The following OR51E2 variants were observed in gnomAD, a reference collection of about 807,000 sequenced individuals.
The protein encoded by OR51E2 is olfactory receptor 51E2.
Under a neutral mutation model 13.7 loss-of-function variants are expected in OR51E2, and 14 were observed. The ratio of observed to expected loss-of-function variants is 1.02; its 90% CI spans 0.68 to 1.60. The LOEUF (loss-of-function observed/expected upper bound fraction) is 1.60, where lower values mean the gene tolerates loss of function less well. OR51E2 is among the 40% of genes most tolerant of loss of function. The pLI is 0.00. For synonymous variants in OR51E2, 180 were observed against 157.6 expected, an observed-to-expected ratio of 1.14 and a Z score of -1.07; for missense variants, 483 against 413.8, an observed-to-expected ratio of 1.17 and a Z score of -1.45.
At chr11:4,688,306 G>T (rs1028787694) in intron 1 of OR51E2, among the ~76,000 whole-genome samples, 3 of 152,250 alleles carry the variant, frequency 2.0e-5, no homozygotes, top group East Asian at 3.9e-4. Flanking sequence ...CACTTGAGCA[G>T]AGATCTGTCT....
rs991419035 is a variant in OR51E2, at chr11:4,690,919, T to C, written c.-51+6734A>G. 2 of 456,024 alleles carry C rather than the reference T, an allele frequency of 4.4e-6. 1 individual carries two copies. Among genetic ancestry groups the C allele is most frequent in the Non-Finnish European group, 8.8e-6 (2 of 226,708 alleles). The allele number at this position is 456,024 out of a possible 1,614,324, so 28.2% of individuals were successfully genotyped here. ...GCTTGTTTCCCAAATCTGTGAACAA[T>C]GGACAGACTGATCAATGGAATGTAA... On this transcript the variant is annotated intron_variant, in intron 1 of 1. Transcript: ENST00000396950.
At chr11:4,685,888 C>G (rs1221335327) in intron 1 of OR51E2, 2 of 152,196 alleles carry the variant, frequency 1.3e-5, no homozygotes, top group African/African-American at 4.8e-5. Context: ...TACCTTCATA[C>G]TTTATTAATA....
chr11:4,692,507 T>G (rs570477945), intron 1 of OR51E2, among the ~76,000 whole-genome samples: 5 of 152,270 alleles, frequency 3.3e-5, no homozygotes, highest in Non-Finnish European at 7.3e-5. Context: ...GATACCTAAT[T>G]GAATGTTACT....
Position 4,682,490 on chromosome 11 carries a change from T to A in OR51E2, c.222A>T (p.Thr74=). 1 of 1,614,146 alleles carries A rather than the reference T, an allele frequency of 6.2e-7. No individual in the cohort carries two copies. The highest frequency in any genetic ancestry group is 8.5e-7 in the Non-Finnish European group (1 of 1,180,018). ...MLAAIDLALS[T]STMPKILALF... The stretch of plus-strand genomic sequence containing the variant: ...GGGCAAGGATCTTAGGCATGGTGGA[T>A]GTGGATAAGGCCAGGTCAATGGCTG... The change falls in exon 2 of 2, where the codon ACA becomes ACT. Residue 74 remains threonine, a synonymous_variant. Coordinates refer to ENST00000396950, the MANE Select transcript of OR51E2 (RefSeq NM_030774.4).
At chr11:4,692,532 G>T (rs1378122748) in intron 1 of OR51E2, among the ~76,000 whole-genome samples, 2 of 152,162 alleles carry the variant, frequency 1.3e-5, no homozygotes, top group African/African-American at 4.8e-5. Flanking sequence ...TGTTTCGGAG[G>T]GAAAAATATA....
intron 1 of OR51E2, among the ~76,000 whole-genome samples, chr11:4,687,267 G>C (rs1285299854): frequency 6.6e-6 from 1 of 152,120 alleles, no homozygotes; most frequent in Non-Finnish European, 1.5e-5. Flanking sequence ...GAAGGGGAAA[G>C]AAATATGTAG....
At chr11:4,691,462 C>T in intron 1 of OR51E2, 1 of 456,466 alleles carries the variant, frequency 2.2e-6, no homozygotes, top group South Asian at 1.6e-5. Context: ...AGCATGGTGA[C>T]CAGAGTGGAT....
At chr11:4,697,232 T>A (rs1004480785) in intron 1 of OR51E2, among the ~76,000 whole-genome samples, 2 of 152,246 alleles carry the variant, frequency 1.3e-5, no homozygotes, top group East Asian at 3.8e-4. Flanking sequence ...ATTGTTTTAC[T>A]GAAATCTACA....
intron 1 of OR51E2, among the ~76,000 whole-genome samples, chr11:4,696,645 C>A (rs78521212): frequency 1.7e-3 from 256 of 152,298 alleles, no homozygotes; most frequent in African/African-American, 5.7e-3. Context: ...CTCTTTTGTG[C>A]TGCCTTCACT....
chr11:4,681,521 A>G lies in OR51E2; in HGVS notation c.*228T>C. The stretch of plus-strand genomic sequence containing the variant: ...ATCATGTATCTTTATTGTTTTTCTT[A>G]ATGTTATAAGCATGTTTGGTTTTAT... On this transcript the variant is annotated 3_prime_UTR_variant, in exon 2 of 2. Transcript: ENST00000396950. The G allele has an allele frequency of 5.7e-6, 3 of 528,648 alleles. No homozygotes were observed. The highest frequency in any genetic ancestry group is 9.9e-6 in the Non-Finnish European group (3 of 302,236). 32.7% of individuals were successfully genotyped at this position (528,648 alleles called of 1,614,324 possible). A position where few individuals can be genotyped will look rare whatever the true frequency, so the allele number is the denominator to read the frequency against.
Position 4,680,828 on chromosome 11 carries a change from C to T in OR51E2, c.*921G>A, listed in dbSNP as rs1847441234. On this transcript the variant is annotated 3_prime_UTR_variant, in exon 2 of 2. Coordinates refer to ENST00000396950, the MANE Select transcript of OR51E2 (RefSeq NM_030774.4). ...CAGTAGAGACTGTGACAAGCCCTGG[C>T]TTCCATAAATTGTCAGCTTCATTTT... 6.6e-6 allele frequency: 1 copy of T among 152,170 alleles called. No homozygotes were observed. Among genetic ancestry groups the T allele is most frequent in the South Asian group, 2.1e-4 (1 of 4,828 alleles). The allele number at this position is 152,170 out of a possible 1,614,324, so 9.4% of individuals were successfully genotyped here. A position where few individuals can be genotyped will look rare whatever the true frequency, so the allele number is the denominator to read the frequency against.
chr11:4,688,950 T>C (rs1847546984), intron 1 of OR51E2, among the ~76,000 whole-genome samples: 1 of 152,202 alleles, frequency 6.6e-6, no homozygotes, highest in Non-Finnish European at 1.5e-5. Flanking sequence ...TTGATGGGGA[T>C]ATTAGTATAT....
intron 1 of OR51E2, chr11:4,685,988 A>G (rs939943627): frequency 1.3e-5 from 2 of 152,236 alleles, no homozygotes; most frequent in Non-Finnish European, 2.9e-5. Context: ...ATCTTTGAAC[A>G]CAGAAACAGA....
chr11:4,688,226 T>A (rs1211443016), intron 1 of OR51E2, among the ~76,000 whole-genome samples: 1 of 150,904 alleles, frequency 6.6e-6, no homozygotes, highest in African/African-American at 2.4e-5. Flanking sequence ...TGAGAGTGAA[T>A]TCAGGAGGAA....
chr11:4,692,893 A>G (rs1389015693), intron 1 of OR51E2, among the ~76,000 whole-genome samples: 1 of 152,140 alleles, frequency 6.6e-6, no homozygotes, highest in Admixed American at 6.5e-5. Flanking sequence ...AACTAAAATT[A>G]ACAGAAAACT....
chr11:4,690,546 A>T (rs1429511658), intron 1 of OR51E2: 1 of 227,688 alleles, frequency 4.4e-6, no homozygotes, highest in Non-Finnish European at 8.8e-6. Flanking sequence ...TAGGCTGTTC[A>T]TCTCTTCCAT....
intron 1 of OR51E2, among the ~76,000 whole-genome samples, chr11:4,694,620 G>A (rs1847634264): frequency 6.6e-6 from 1 of 150,812 alleles, no homozygotes; most frequent in African/African-American, 2.4e-5. Context: ...AGCTGAGCTT[G>A]CTGTGTCAAG....
intron 1 of OR51E2, among the ~76,000 whole-genome samples, chr11:4,689,464 G>T (rs897213518): frequency 6.6e-5 from 10 of 152,090 alleles, no homozygotes; most frequent in Non-Finnish European, 1.2e-4. Flanking sequence ...GGTGCAGTTG[G>T]CAGAGATCTC....
chr11:4,690,017 A>G (rs1218092263), intron 1 of OR51E2, among the ~76,000 whole-genome samples: 1 of 147,914 alleles, frequency 6.8e-6, no homozygotes, highest in Non-Finnish European at 1.5e-5. Context: ...TAATTTATAA[A>G]TATAAGTTTA....
Sources: gnomAD v4.1 joint callset for allele counts (sites outside exome capture counted in the v4.1 genomes callset) on GRCh38, gnomAD v4.1.1 for gene constraint, MANE v1.5 for transcripts, NCBI Gene and HGNC (gene_info 2026-07-23, HGNC 2026-07-21) for gene names.